Variants in NCEH1 observed in about 807,000 individuals in gnomAD.
NCEH1 encodes the protein neutral cholesterol ester hydrolase 1, also known as 2-acetyl MAGE hydrolase.
Under a neutral mutation model 25.4 loss-of-function variants are expected in NCEH1, and 9 were observed. The observed-to-expected ratio is 0.35, with a 90% CI of 0.21 to 0.62. The LOEUF (loss-of-function observed/expected upper bound fraction) is 0.62. Ranked by LOEUF, NCEH1 falls within the 20% of genes least tolerant of loss-of-function variation. The probability of loss-of-function intolerance (pLI) is 0.72; values close to 1 mark genes in which losing one functional copy is unlikely to be tolerated. For missense variants in NCEH1, 412 were observed against 501.1 expected (o/e 0.82, Z 1.70); for synonymous variants, 200 against 199.8 (o/e 1.00, Z -0.01).
chr3:172,651,569 T>C (rs1283611502), intron 1 of NCEH1, among the ~76,000 whole-genome samples: 1 of 152,100 alleles, frequency 6.6e-6, no homozygotes, highest in East Asian at 1.9e-4. Flanking sequence ...GAATCTTTTT[T>C]TTTTTTTGAG....
chr3:172,682,716 CTATT>C (rs933380479), intron 1 of NCEH1, among the ~76,000 whole-genome samples: 90 of 152,236 alleles, frequency 5.9e-4, no homozygotes, highest in Admixed American at 2.1e-3. Context: ...TTAGTAGTGT[CTATT>C]TAGGAAAAAC....
At chr3:172,637,086 AATT>A (rs1716629048) in intron 3 of NCEH1, among the ~76,000 whole-genome samples, 3 of 152,098 alleles carry the variant, frequency 2.0e-5, no homozygotes, top group Admixed American at 2.0e-4. Flanking sequence ...CTCATATGAA[AATT>A]ATCATATGTT....
intron 1 of NCEH1, among the ~76,000 whole-genome samples, chr3:172,659,264 G>GC (rs560604242): frequency 1.2e-3 from 189 of 151,260 alleles, no homozygotes; most frequent in African/African-American, 4.3e-3. Flanking sequence ...GCTGAAGGCA[G>GC]CCAAATTCTT....
chr3:172,696,693 C>T (rs1172311667), intron 1 of NCEH1, among the ~76,000 whole-genome samples: 11 of 152,158 alleles, frequency 7.2e-5, no homozygotes, highest in Admixed American at 7.2e-4. Flanking sequence ...CTCGTAAACA[C>T]TATGAAAATG....
At chr3:172,645,831 A>G in intron 2 of NCEH1, 139 bp from the exon 3 acceptor site, 1 of 516,914 alleles carries the variant, frequency 1.9e-6, no homozygotes, top group Non-Finnish European at 3.5e-6. Flanking sequence ...GTGAACAAAT[A>G]ATAGAGTTAC....
chr3:172,654,966 T>G (rs181609385), intron 1 of NCEH1, among the ~76,000 whole-genome samples: 36 of 152,328 alleles, frequency 2.4e-4, no homozygotes, highest in African/African-American at 8.2e-4. Context: ...TAATGTTCAA[T>G]TAAGAGATGG....
chr3:172,650,581 A>G (rs1322789477), intron 1 of NCEH1, among the ~76,000 whole-genome samples: 6 of 151,260 alleles, frequency 4.0e-5, no homozygotes, highest in South Asian at 2.1e-4. Flanking sequence ...CCCTGGAGGC[A>G]GAGCTTGCAG....
chr3:172,682,490 C>G (rs534702000), intron 1 of NCEH1, among the ~76,000 whole-genome samples: 1 of 152,250 alleles, frequency 6.6e-6, no homozygotes, highest in Admixed American at 6.5e-5. Flanking sequence ...CTGAGACATT[C>G]CATTCATAGG....
At chr3:172,637,837 C>T (rs1036785495) in intron 3 of NCEH1, among the ~76,000 whole-genome samples, 3 of 151,586 alleles carry the variant, frequency 2.0e-5, no homozygotes, top group South Asian at 2.1e-4. Context: ...TGCAGTGAGC[C>T]GAGATGGTGC....
At chr3:172,692,712 C>T (rs189419737) in intron 1 of NCEH1, among the ~76,000 whole-genome samples, 272 of 152,212 alleles carry the variant, frequency 1.8e-3, no homozygotes, top group Admixed American at 6.0e-3. Flanking sequence ...TCAAGTAATA[C>T]TTACTCTTGA....
chr3:172,691,946 C>CAAAAAAAAAAAAAAAA, intron 1 of NCEH1, among the ~76,000 whole-genome samples: 1 of 80,010 alleles, frequency 1.2e-5, no homozygotes, highest in Non-Finnish European at 2.4e-5. Context: ...GACTCCGTCT[C>CAAAAAAAAAAAAAAAA]AAAAAAAAAA....
At chr3:172,644,574 A>C (rs750854327) in intron 3 of NCEH1, among the ~76,000 whole-genome samples, 1 of 152,212 alleles carries the variant, frequency 6.6e-6, no homozygotes, top group Non-Finnish European at 1.5e-5. Flanking sequence ...TACCCCATCT[A>C]TGCGATGAGC....
Position 172,633,447 on chromosome 3 carries a change from G to A in NCEH1, c.*28C>T. 1 of 1,594,638 alleles carries A rather than the reference G, an allele frequency of 6.3e-7. No individual in the cohort carries two copies. The highest frequency in any genetic ancestry group is 8.6e-7 in the Non-Finnish European group (1 of 1,169,344). On this transcript the variant is annotated 3_prime_UTR_variant, in exon 5 of 5. Coordinates refer to ENST00000475381, the MANE Select transcript of NCEH1 (RefSeq NM_020792.6). ...AAGCAGGTGTAGGAGGTCAAGAGGG[G>A]CTCGAGGCTTCTGGAAGTTTTGCTC...
chr3:172,647,801 TC>T, intron 2 of NCEH1, 84 bp downstream of exon 2: 3 of 1,555,986 alleles, frequency 1.9e-6, no homozygotes, highest in Non-Finnish European at 2.6e-6. Context: ...TCCCCTTCTT[TC>T]CCACTAAGAA....
At chr3:172,674,419 G>A (rs1417678977) in intron 1 of NCEH1, among the ~76,000 whole-genome samples, 11 of 145,658 alleles carry the variant, frequency 7.6e-5, no homozygotes, top group East Asian at 4.0e-4. Flanking sequence ...CTCCAGCCTC[G>A]GCGACTGGGA....
At chr3:172,645,944 T>C (rs1211064420) in intron 2 of NCEH1, among the ~76,000 whole-genome samples, 1 of 152,258 alleles carries the variant, frequency 6.6e-6, no homozygotes, top group South Asian at 2.1e-4. Context: ...TAAATATTTA[T>C]TTCATAACGG....
chr3:172,640,195 T>C (rs2108490804), intron 3 of NCEH1, among the ~76,000 whole-genome samples: 1 of 152,334 alleles, frequency 6.6e-6, no homozygotes. Context: ...TCCTATCAGA[T>C]TCAGCAGGAG....
rs113338933 is a variant in NCEH1 at position 172,637,888 on chromosome 3, C to CA, written c.438-1802dup. ...TGGGTGACAGAGCAAGACTCCATCTCAAAAAAAAAATAGCCGGGCATGGTG... is the reference window on the plus strand; with the variant it reads ...TGGGTGACAGAGCAAGACTCCATCTCAAAAAAAAAAATAGCCGGGCATGGTG... On this transcript the variant is annotated intron_variant, in intron 3 of 4. Transcript: ENST00000475381. Among the ~76,000 whole-genome samples the CA allele has an allele frequency of 8.2e-3, 1,142 of 139,650 alleles. 15 individuals are homozygous for CA. The highest frequency in any genetic ancestry group is 0.027 in the African/African-American group (1,048 of 38,148). 91.6% of individuals were successfully genotyped at this position (139,650 alleles called of 152,430 possible). A position where few individuals can be genotyped will look rare whatever the true frequency, so the allele number is the denominator to read the frequency against.
intron 1 of NCEH1, among the ~76,000 whole-genome samples, chr3:172,685,336 C>A (rs1343925605): frequency 6.6e-6 from 1 of 152,232 alleles, no homozygotes; most frequent in African/African-American, 2.4e-5. Context: ...ATGGGCTTCT[C>A]TTGACCTAAT....
Sources: gnomAD v4.1 joint callset for allele counts (sites outside exome capture counted in the v4.1 genomes callset) on GRCh38, gnomAD v4.1.1 for gene constraint, MANE v1.5 for transcripts, NCBI Gene and HGNC (gene_info 2026-07-23, HGNC 2026-07-21) for gene names.